EXOC6: variants seen among roughly 807,000 people sequenced by gnomAD.
EXOC6 encodes the protein SEC15-like 1.
Under a neutral mutation model 112.5 loss-of-function variants are expected in EXOC6, and 60 were observed. The observed-to-expected ratio is 0.53, with a 90% CI of 0.43 to 0.66. The LOEUF is 0.66. Among genes scored for constraint, EXOC6 ranks in the 30% least tolerant of loss-of-function variants. The pLI is 0.00. For missense variants in EXOC6, 855 were observed against 957.1 expected, an observed-to-expected ratio of 0.89 and a Z score of 1.41; for synonymous variants, 295 against 308.0, an observed-to-expected ratio of 0.96 and a Z score of 0.44.
intron 1 of EXOC6, among the ~76,000 whole-genome samples, chr10:92,887,962 C>T (rs1224654838): frequency 6.6e-6 from 1 of 151,970 alleles, no homozygotes; most frequent in Admixed American, 6.6e-5. Context: ...GTGGGTGACA[C>T]GTGGGGGTAT....
At chr10:92,896,487 G>C (rs1849833482) in intron 4 of EXOC6, among the ~76,000 whole-genome samples, 1 of 151,140 alleles carries the variant, frequency 6.6e-6, no homozygotes, top group Non-Finnish European at 1.5e-5. Flanking sequence ...GTGAGCCACT[G>C]CACCCGCTAT....
chr10:92,991,132 T>A (rs954044039), intron 18 of EXOC6, among the ~76,000 whole-genome samples: 3 of 151,916 alleles, frequency 2.0e-5, no homozygotes, highest in African/African-American at 4.8e-5. Context: ...GCAACTTTTT[T>A]TTTTTTTTCC....
chr10:92,913,024 A>G (rs1850877209), intron 6 of EXOC6, among the ~76,000 whole-genome samples: 1 of 152,144 alleles, frequency 6.6e-6, no homozygotes, highest in African/African-American at 2.4e-5. Context: ...GAAGCACATC[A>G]CGTGCTTTTG....
chr10:92,954,847 A>G (rs761461438), intron 16 of EXOC6, 106 bp downstream of exon 16: 6 of 567,340 alleles, frequency 1.1e-5, no homozygotes, highest in Non-Finnish European at 1.8e-5. Context: ...TTTTAAATGT[A>G]TTAATATAAG....
intron 7 of EXOC6, among the ~76,000 whole-genome samples, chr10:92,916,239 A>G (rs968704993): frequency 2.6e-5 from 4 of 152,226 alleles, no homozygotes; most frequent in African/African-American, 9.6e-5. Flanking sequence ...GGCCAGGCAC[A>G]GTGGCTCACA....
upstream of EXOC6, chr10:92,831,432 T>C: frequency 1.1e-6 from 1 of 870,852 alleles, no homozygotes; most frequent in Non-Finnish European, 1.6e-6. Flanking sequence ...TATTCTATTT[T>C]TTTTTTATTT....
chr10:93,052,238 G>A (rs1332768781), intron 20 of EXOC6, among the ~76,000 whole-genome samples: 3 of 152,208 alleles, frequency 2.0e-5, no homozygotes, highest in Non-Finnish European at 4.4e-5. Flanking sequence ...AGTCTGCCTA[G>A]ATTCATTGTG....
At position 92,920,038 on chromosome 10, in the gene EXOC6, T is replaced by G. The variant is rs777151619; in HGVS notation, c.876T>G (p.Ile292Met). 2 of 1,599,604 alleles carry G rather than the reference T, an allele frequency of 1.3e-6. No homozygotes were observed. Among genetic ancestry groups the G allele is most frequent in the South Asian group, 1.1e-5 (1 of 89,706 alleles). The change falls in exon 8 of 22, where the codon ATT (isoleucine) becomes ATG (methionine). Residue 292 changes from isoleucine (I) to methionine (M), a missense_variant. Around this residue, in one of 2 missense-constraint regions of EXOC6, gnomAD observed 405 missense variants for 393.6 expected, o/e 1.03. Transcript: ENST00000260762. ...CCCCTGTTTATCGATGTTTGCACAT[T>G]TATTCTGTTTTGGTAAGTATGTTTT... ...DFSPVYRCLH[I>M]YSVLGDEETF...
chr10:92,893,565 A>G, intron 2 of EXOC6, 45 bp downstream of exon 2: 1 of 1,499,664 alleles, frequency 6.7e-7, no homozygotes, highest in South Asian at 1.3e-5. Context: ...TCATTAAATT[A>G]CTCAAGTCTT....
intron 12 of EXOC6, among the ~76,000 whole-genome samples, chr10:92,937,303 G>C (rs978229466): frequency 8.5e-5 from 13 of 152,132 alleles, no homozygotes; most frequent in Non-Finnish European, 1.8e-4. Flanking sequence ...AAACTTTTCT[G>C]AGAGCAAATT....
intron 1 of EXOC6, among the ~76,000 whole-genome samples, chr10:92,892,573 T>G (rs1039370875): frequency 6.6e-6 from 1 of 152,220 alleles, no homozygotes; most frequent in African/African-American, 2.4e-5. Context: ...TAGCATCTGC[T>G]ATTTGGCAGT....
At chr10:93,025,260 A>T (rs1212206869) in intron 20 of EXOC6, among the ~76,000 whole-genome samples, 2 of 152,220 alleles carry the variant, frequency 1.3e-5, no homozygotes, top group Non-Finnish European at 2.9e-5. Context: ...GACTGCATTC[A>T]TGAAATTGTG....
chr10:92,894,726 G>A (rs1849665739), intron 2 of EXOC6, 68 bp from the exon 3 acceptor site: 3 of 1,202,796 alleles, frequency 2.5e-6, no homozygotes, highest in Non-Finnish European at 3.7e-6. Context: ...CTGATTACAA[G>A]GGTGAGCAGT....
chr10:93,021,776 G>C (rs1305293483), intron 20 of EXOC6, among the ~76,000 whole-genome samples: 1 of 152,224 alleles, frequency 6.6e-6, no homozygotes, highest in Non-Finnish European at 1.5e-5. Context: ...ACAGCTTTAA[G>C]AGGAGATGAT....
In EXOC6 at chr10:92,835,838, A is replaced by G. The variant is rs144556588; in HGVS notation, c.86+1014A>G. Among the ~76,000 whole-genome samples the G allele has an allele frequency of 4.8e-3, 734 of 152,244 alleles. 5 individuals are homozygous for G. The highest frequency in any genetic ancestry group is 0.015 in the African/African-American group (633 of 41,530). On this transcript the variant is annotated intron_variant, in intron 1 of 21. Coordinates refer to the EXOC6 transcript ENST00000371552. ...TAGGTATAGTTGCAAAATAATTACA[A>G]CTCCATTATAACTATTACATATACC...
chr10:92,997,614 A>G lies in EXOC6; in HGVS notation c.2094A>G (p.Glu698=), dbSNP rs754682193. ...QQFNLDVIQC[E]LFASSEPVPG... ...TTAACTTAGATGTCATACAGTGTGA[A>G]TGTAAGTACTATATTGGTTTATTCT... Residue 698 remains glutamate (E), a splice_region_variant and synonymous_variant, in exon 19 of 22, where the codon GAA becomes GAG. Transcript: ENST00000260762. 1.8e-5 allele frequency: 29 copies of G among 1,605,606 alleles called. No homozygotes were observed. Among genetic ancestry groups the G allele is most frequent in the Non-Finnish European group, 2.5e-5 (29 of 1,176,298 alleles).
At chr10:92,969,606 T>A (rs928818269) in intron 17 of EXOC6, among the ~76,000 whole-genome samples, 46 of 152,222 alleles carry the variant, frequency 3.0e-4, no homozygotes, top group African/African-American at 1.0e-3. Flanking sequence ...TCTCTTCTTA[T>A]TTGGTATACC....
At chr10:92,949,151 T>A (rs1853237480) in intron 14 of EXOC6, among the ~76,000 whole-genome samples, 1 of 152,224 alleles carries the variant, frequency 6.6e-6, no homozygotes, top group Non-Finnish European at 1.5e-5. Flanking sequence ...CTCCTTACTC[T>A]TCTTTATTAT....
intron 18 of EXOC6, among the ~76,000 whole-genome samples, chr10:92,984,216 G>A (rs953297534): frequency 6.6e-6 from 1 of 152,042 alleles, no homozygotes. Context: ...TGGCCAAATA[G>A]ATTTTTTAAA....
Sources: gnomAD v4.1 joint callset for allele counts (sites outside exome capture counted in the v4.1 genomes callset) on GRCh38, gnomAD v4.1.1 for gene constraint, gnomAD v4.1.1 regional missense constraint, MANE v1.5 for transcripts, NCBI Gene and HGNC (gene_info 2026-07-23, HGNC 2026-07-21) for gene names.